NSMAF: variants seen among roughly 807,000 people sequenced by gnomAD.
The protein encoded by NSMAF is protein FAN.
NSMAF carries 90 observed loss-of-function variants against 134.9 expected under a neutral mutation model. That is an observed-to-expected ratio of 0.67 (90% CI 0.56 to 0.79). The LOEUF is 0.79. Among genes scored for constraint, NSMAF ranks in the 30% least tolerant of loss-of-function variants. The pLI, the probability that NSMAF is intolerant of heterozygous loss-of-function variation, is 0.00. For missense variants in NSMAF, 1,010 were observed against 1,119.0 expected, an observed-to-expected ratio of 0.90 and a Z score of 1.39; for synonymous variants, 358 against 389.6, an observed-to-expected ratio of 0.92 and a Z score of 0.96.
chr8:58,614,506 G>C (rs771246143), intron 9 of NSMAF, among the ~76,000 whole-genome samples: 1 of 152,184 alleles, frequency 6.6e-6, no homozygotes, highest in African/African-American at 2.4e-5. Context: ...CTAGATAATG[G>C]ACATCTGGGT....
chr8:58,603,960 G>C (rs1235542686), intron 12 of NSMAF, among the ~76,000 whole-genome samples: 4 of 152,150 alleles, frequency 2.6e-5, no homozygotes, highest in Non-Finnish European at 4.4e-5. Flanking sequence ...AAAAGAACCA[G>C]ACCTGCCCCC....
chr8:58,659,296 G>T, intron 1 of NSMAF: 1 of 1,524,830 alleles, frequency 6.6e-7, no homozygotes. Context: ...TGCACTGCCG[G>T]ATAGCTCGGC....
intron 10 of NSMAF, among the ~76,000 whole-genome samples, 191 bp from the exon 11 acceptor site, chr8:58,608,031 C>G (rs1223397069): frequency 6.6e-6 from 1 of 152,228 alleles, no homozygotes; most frequent in Non-Finnish European, 1.5e-5. Flanking sequence ...AGCTTTATGA[C>G]CTTGGGCAAG....
intron 1 of NSMAF, among the ~76,000 whole-genome samples, chr8:58,654,411 A>C (rs1807655421): frequency 6.6e-6 from 1 of 152,180 alleles, no homozygotes; most frequent in Non-Finnish European, 1.5e-5. Flanking sequence ...TCAGCCAGGC[A>C]TGGTGGCGCA....
chr8:58,593,852 A>G (rs1806073203), intron 23 of NSMAF, among the ~76,000 whole-genome samples: 1 of 152,236 alleles, frequency 6.6e-6, no homozygotes, highest in African/African-American at 2.4e-5. Context: ...GTAACAGCAA[A>G]TCTGCATTTC....
intron 1 of NSMAF, chr8:58,659,130 C>T: frequency 1.5e-6 from 2 of 1,331,394 alleles, no homozygotes; most frequent in Non-Finnish European, 1.9e-6. Context: ...GCGCCGGCGC[C>T]GAGTGCCTGG....
At position 58,586,453 on chromosome 8, in the gene NSMAF, T is replaced by C. The variant is rs768017124; in HGVS notation, c.2446+5A>G. ...ATTATCTGTTTTAAAAAGGATAATA[T>C]CTACCTGGGCTAAAAGCAGTGTCAC... On this transcript the variant is annotated splice_donor_5th_base_variant and intron_variant, in intron 28 of 30. Coordinates refer to ENST00000038176, the MANE Select transcript of NSMAF (RefSeq NM_003580.4). 6.2e-7 allele frequency: 1 copy of C among 1,613,022 alleles called. No individual in the cohort carries two copies. The highest frequency in any genetic ancestry group is 8.5e-7 in the Non-Finnish European group (1 of 1,179,364).
chr8:58,636,621 G>A (rs1368387388), intron 2 of NSMAF, among the ~76,000 whole-genome samples: 1 of 152,172 alleles, frequency 6.6e-6, no homozygotes, highest in Non-Finnish European at 1.5e-5. Flanking sequence ...AAATATCTTT[G>A]CTTTGTGGGC....
chr8:58,659,398 A>C, intron 1 of NSMAF, 175 bp downstream of exon 1: 1 of 1,511,998 alleles, frequency 6.6e-7, no homozygotes, highest in Non-Finnish European at 8.8e-7. Context: ...CCGGCCTCTC[A>C]CCCCGACCTC....
intron 9 of NSMAF, among the ~76,000 whole-genome samples, chr8:58,612,848 G>A (rs1301243953): frequency 6.6e-6 from 1 of 152,160 alleles, no homozygotes; most frequent in East Asian, 1.9e-4. Context: ...CAAGCAGGAT[G>A]AGCACAAGAA....
At position 58,607,830 on chromosome 8, in the gene NSMAF, A is replaced by G; in HGVS notation, c.698T>C (p.Val233Ala). The change falls in exon 11 of 31, where the codon GTC becomes GCC. Residue 233 changes from valine (V) to alanine (A), a missense_variant. Transcript: ENST00000038176. ...QPLNGYPKPV[V>A]QITLQDVRRI... ...GCGGACATCTTGGAGTGTTATCTGGACCACAGGTTTCTTTAAAAGTAGAAA... is the reference window on the plus strand; with the variant it reads ...GCGGACATCTTGGAGTGTTATCTGGGCCACAGGTTTCTTTAAAAGTAGAAA... 6.2e-7 allele frequency: 1 copy of G among 1,613,914 alleles called. No individual in the cohort carries two copies. Among genetic ancestry groups the G allele is most frequent in the Non-Finnish European group, 8.5e-7 (1 of 1,179,744 alleles).
At chr8:58,643,235 C>G (rs959026751) in intron 1 of NSMAF, among the ~76,000 whole-genome samples, 162 bp from the exon 2 acceptor site, 1 of 152,176 alleles carries the variant, frequency 6.6e-6, no homozygotes, top group Non-Finnish European at 1.5e-5. Flanking sequence ...TACCCAGTGG[C>G]GGGAAGTACA....
chr8:58,635,744 A>G (rs911521463), intron 2 of NSMAF, among the ~76,000 whole-genome samples, 198 bp from the exon 3 acceptor site: 1 of 152,234 alleles, frequency 6.6e-6, no homozygotes, highest in African/African-American at 2.4e-5. Flanking sequence ...GGCATTTACA[A>G]TTCAAATGTT....
chr8:58,595,594 G>A lies in NSMAF; in HGVS notation c.1858C>T (p.Leu620=). 6.2e-7 allele frequency: 1 copy of A among 1,613,952 alleles called. No homozygotes were observed. The highest frequency in any genetic ancestry group is 1.1e-5 in the South Asian group (1 of 91,082). ...KTLAWNNITK[L]QLHEHYKIHK... is the part of the protein sequence containing the mutation. ...ATTTTATAGTGCTCGTGTAACTGCA[G>A]TTTGGTGATGTTATTCCAGGCCAGT... The change falls in exon 22 of 31, where the codon CTG becomes TTG. Residue 620 remains leucine, a synonymous_variant. Transcript: ENST00000038176.
chr8:58,588,440 G>C, intron 26 of NSMAF: 2 of 1,250,870 alleles, frequency 1.6e-6, no homozygotes, highest in African/African-American at 2.8e-5. Flanking sequence ...GGTGGGGGAC[G>C]TGGGGCAGCA....
intron 9 of NSMAF, among the ~76,000 whole-genome samples, chr8:58,621,790 A>C: frequency 6.6e-6 from 1 of 152,116 alleles, no homozygotes; most frequent in Non-Finnish European, 1.5e-5. Flanking sequence ...TTTTTTGAAA[A>C]GTGTCTGTTC....
At position 58,586,606 on chromosome 8, in the gene NSMAF, T is replaced by C; in HGVS notation, c.2298A>G (p.Val766=). Residue 766 remains valine, a splice_region_variant and synonymous_variant, in exon 28 of 31, where the codon GTA becomes GTG. Transcript: ENST00000038176. The part of the protein sequence containing the change: ...LLAELEHDVS[V]DTISLNAAST... The stretch of plus-strand genomic sequence containing the variant: ...TTGCAGCATTTAAACTGATTGTATC[T>C]ACCTAAGGAAGAAAACACATTGATA... 1 of 1,609,404 alleles carries C rather than the reference T, an allele frequency of 6.2e-7. No individual in the cohort carries two copies. The highest frequency in any genetic ancestry group is 8.5e-7 in the Non-Finnish European group (1 of 1,177,834).
At chr8:58,608,688 TGA>T (rs1461727346) in intron 10 of NSMAF, among the ~76,000 whole-genome samples, 10 of 152,220 alleles carry the variant, frequency 6.6e-5, no homozygotes, top group Non-Finnish European at 7.4e-5. Flanking sequence ...TTACACTCCC[TGA>T]GAATGCTGTG....
At chr8:58,612,810 A>G (rs1806560980) in intron 9 of NSMAF, among the ~76,000 whole-genome samples, 1 of 152,098 alleles carries the variant, frequency 6.6e-6, no homozygotes, top group South Asian at 2.1e-4. Context: ...CATAGTAGGA[A>G]TTTCCCCATC....
Sources: gnomAD v4.1 joint callset for allele counts (sites outside exome capture counted in the v4.1 genomes callset) on GRCh38, gnomAD v4.1.1 for gene constraint, MANE v1.5 for transcripts, NCBI Gene and HGNC (gene_info 2026-07-23, HGNC 2026-07-21) for gene names.